The following MECOM variants were observed in gnomAD, a reference collection of about 807,000 sequenced individuals.
MECOM encodes the protein MDS1 and EVI1 complex locus.
A neutral mutation model predicts 116.3 loss-of-function variants in MECOM; 13 were observed. That is an observed-to-expected ratio of 0.11 (90% CI 0.07 to 0.18). MECOM has a LOEUF of 0.18. MECOM is among the 10% of genes least tolerant of loss of function. The pLI is 1.00. For synonymous variants in MECOM, 528 were observed against 535.2 expected (o/e 0.99, Z 0.19); for missense variants, 1,299 against 1,509.0 (o/e 0.86, Z 2.31).
chr3:169,655,560 C>T (rs966890050), intron 1 of MECOM, among the ~76,000 whole-genome samples: 8 of 152,112 alleles, frequency 5.3e-5, no homozygotes, highest in Non-Finnish European at 1.0e-4. Flanking sequence ...TACACATCCC[C>T]CTCACCCCGA....
intron 1 of MECOM, among the ~76,000 whole-genome samples, chr3:169,647,002 A>T (rs1318307442): frequency 6.6e-6 from 1 of 152,216 alleles, no homozygotes; most frequent in African/African-American, 2.4e-5. Context: ...TTGCAGCAAA[A>T]TTCCTCTTTA....
intron 9 of MECOM, among the ~76,000 whole-genome samples, chr3:169,109,415 AT>A (rs1429834564): frequency 1.2e-5 from 1 of 80,094 alleles, no homozygotes; most frequent in East Asian, 3.6e-4. Context: ...GCATTCATGT[AT>A]CTTTTTTTTT....
In MECOM at chr3:169,237,594, T is replaced by G. The variant is rs59909877; in HGVS notation, c.376-93762A>C. ...CGACACATATTTCTGCTGTGCTAAC[T>G]GCAATGTCTCCATCACAAAAAAAAA... On this transcript the variant is annotated intron_variant, in intron 2 of 16. Transcript: ENST00000651503. Among the ~76,000 whole-genome samples, 821 of 114,356 alleles carry G rather than the reference T, an allele frequency of 7.2e-3. 6 individuals carry two copies. The highest frequency in any genetic ancestry group is 0.027 in the African/African-American group (776 of 28,868). The allele number at this position is 114,356 out of a possible 152,430, so 75.0% of individuals were successfully genotyped here.
chr3:169,277,394 A>G (rs9290364), intron 2 of MECOM, among the ~76,000 whole-genome samples: 41,132 of 152,184 alleles, frequency 0.27, 12,389 homozygotes, highest in African/African-American at 0.75. Flanking sequence ...AAACTGTCTC[A>G]TCAGGTTCTA....
At chr3:169,472,647 GGAAAAGAAAA>G (rs1195850599) in intron 1 of MECOM, among the ~76,000 whole-genome samples, 1,179 of 49,528 alleles carry the variant, frequency 0.024, 43 homozygotes, top group Middle Eastern at 0.061. Context: ...GGAAAGGAAA[GGAAAAGAAAA>G]GAAAGGAAAG....
chr3:169,443,412 C>G (rs998055203), intron 1 of MECOM, among the ~76,000 whole-genome samples: 1 of 152,174 alleles, frequency 6.6e-6, no homozygotes, highest in Admixed American at 6.5e-5. Context: ...ACCCCCAGAC[C>G]TATTGTGACC....
chr3:169,089,881 T>C (rs1719093910), intron 15 of MECOM, 119 bp downstream of exon 15: 1 of 1,458,084 alleles, frequency 6.9e-7, no homozygotes, highest in Non-Finnish European at 9.1e-7. Context: ...CATGTATCCC[T>C]TACTAATTCA....
chr3:169,234,590 C>G (rs191728398), intron 2 of MECOM, among the ~76,000 whole-genome samples: 2 of 152,058 alleles, frequency 1.3e-5, no homozygotes, highest in Admixed American at 6.6e-5. Context: ...TACTAAAGAG[C>G]CTTCAATAAT....
intron 2 of MECOM, among the ~76,000 whole-genome samples, chr3:169,157,810 G>C (rs138064452): frequency 4.6e-5 from 7 of 152,142 alleles, no homozygotes; most frequent in Admixed American, 1.3e-4. Flanking sequence ...CAACTAGAAG[G>C]GGGGGATGCC....
intron 1 of MECOM, among the ~76,000 whole-genome samples, chr3:169,538,527 ATT>A (rs1759667469): frequency 6.6e-6 from 1 of 152,208 alleles, no homozygotes; most frequent in African/African-American, 2.4e-5. Flanking sequence ...AATATTTAAT[ATT>A]TTTGAAATCT....
At chr3:169,560,156 G>T (rs962559661) in intron 1 of MECOM, among the ~76,000 whole-genome samples, 8 of 152,108 alleles carry the variant, frequency 5.3e-5, no homozygotes, top group African/African-American at 1.9e-4. Context: ...CCTTATAAGT[G>T]TTTAAGAATC....
At chr3:169,132,969 G>C (rs1242058720) in intron 3 of MECOM, among the ~76,000 whole-genome samples, 1 of 151,718 alleles carries the variant, frequency 6.6e-6, no homozygotes, top group Non-Finnish European at 1.5e-5. Context: ...ACTCTGGCTG[G>C]TCTCGAACTC....
At chr3:169,425,362 A>G (rs1001470188) in intron 1 of MECOM, among the ~76,000 whole-genome samples, 1 of 152,208 alleles carries the variant, frequency 6.6e-6, no homozygotes, top group Non-Finnish European at 1.5e-5. Flanking sequence ...TGCATTTAAC[A>G]TGCAGGCATT....
At chr3:169,317,901 G>T (rs1720050366) in intron 2 of MECOM, among the ~76,000 whole-genome samples, 1 of 152,154 alleles carries the variant, frequency 6.6e-6, no homozygotes, top group African/African-American at 2.4e-5. Context: ...AACCAAAACA[G>T]CATGGTACTG....
chr3:169,326,485 A>T (rs1302821617), intron 2 of MECOM, among the ~76,000 whole-genome samples: 1 of 152,222 alleles, frequency 6.6e-6, no homozygotes, highest in African/African-American at 2.4e-5. Flanking sequence ...AATATTATAG[A>T]GAGAGTGGCC....
intron 9 of MECOM, among the ~76,000 whole-genome samples, chr3:169,110,267 A>T (rs1726908358): frequency 6.6e-6 from 1 of 152,166 alleles, no homozygotes; most frequent in Non-Finnish European, 1.5e-5. Flanking sequence ...GATACATGGC[A>T]TGGCCCTGGC....
chr3:169,269,728 G>A (rs951103154), intron 2 of MECOM, among the ~76,000 whole-genome samples: 18 of 151,982 alleles, frequency 1.2e-4, no homozygotes, highest in African/African-American at 1.9e-4. Context: ...TTTATCTCTG[G>A]CACCCAAGTA....
chr3:169,195,270 T>C (rs1367490571), intron 2 of MECOM, among the ~76,000 whole-genome samples: 2 of 152,080 alleles, frequency 1.3e-5, no homozygotes, highest in Non-Finnish European at 2.9e-5. Context: ...GGTGGATCAA[T>C]GCTTGGTCTA....
intron 3 of MECOM, among the ~76,000 whole-genome samples, chr3:169,140,486 A>G (rs550837927): frequency 2.6e-5 from 4 of 152,188 alleles, no homozygotes; most frequent in African/African-American, 7.2e-5. Context: ...GTGAATAAAG[A>G]TATCAGTCAG....
Sources: allele counts gnomAD v4.1 joint callset (sites outside exome capture counted in the v4.1 genomes callset), GRCh38; gene constraint gnomAD v4.1.1; transcripts MANE v1.5; gene names NCBI Gene and HGNC (gene_info 2026-07-23, HGNC 2026-07-21).